Variants in SZT2 observed in about 807,000 individuals in gnomAD.
SZT2 encodes SZT2 subunit of KICSTOR complex.
A neutral mutation model predicts 404.2 loss-of-function variants in SZT2; 216 were observed. The observed-to-expected ratio is 0.53, with a 90% CI of 0.48 to 0.60. The LOEUF is 0.60. Ranked by LOEUF, SZT2 falls within the 20% of genes least tolerant of loss-of-function variation. The probability of loss-of-function intolerance (pLI) is 0.00; values close to 1 mark genes in which losing one functional copy is unlikely to be tolerated. For missense variants in SZT2, 3,857 were observed against 4,459.2 expected, an observed-to-expected ratio of 0.86 and a Z score of 3.85; for synonymous variants, 1,693 against 1,749.9, an observed-to-expected ratio of 0.97 and a Z score of 0.81.
At position 43,416,609 on chromosome 1, in the gene SZT2, C is replaced by T. The variant is rs1557534581; in HGVS notation, c.847C>T (p.Arg283Cys). Residue 283 changes from arginine (R) to cysteine (C), a missense_variant, in exon 7 of 72, where the codon CGC becomes TGC. Arg to Cys is a radical substitution (Grantham distance 180). Around this residue, in one of 7 missense-constraint regions of SZT2, gnomAD observed 536 missense variants for 637.4 expected, o/e 0.84. Coordinates refer to ENST00000634258, the MANE Select transcript of SZT2 (RefSeq NM_001365999.1). ...CTGTGAGACACTGCTGAACCAGCTT[C>T]GCAGTGGCACTGTGGCTTGTTCCTT... The part of the protein sequence containing the change: ...AVCETLLNQL[R>C]SGTVACSFVQ... 5.0e-6 allele frequency: 8 copies of T among 1,598,164 alleles called. No individual in the cohort carries two copies. Among genetic ancestry groups the T allele is most frequent in the East Asian group, 2.2e-5 (1 of 44,880 alleles).
intron 4 of SZT2, chr1:43,405,095 C>G (rs1650143689): frequency 6.5e-6 from 1 of 152,746 alleles, no homozygotes; most frequent in South Asian, 2.1e-4. Context: ...CCTCCGCCTC[C>G]TGGGTTCAAG....
intron 7 of SZT2, among the ~76,000 whole-genome samples, chr1:43,418,301 AG>A (rs1454742021): frequency 6.6e-6 from 1 of 152,226 alleles, no homozygotes; most frequent in Non-Finnish European, 1.5e-5. Flanking sequence ...TCTGTAGTGA[AG>A]AAGAGTTTGA....
rs759001953 is a variant in SZT2, at chr1:43,443,728, A to G, written c.8757A>G (p.Gln2919=). The change falls in exon 62 of 72, where the codon CAA becomes CAG. Residue 2919 remains glutamine, a synonymous_variant. Coordinates refer to ENST00000634258, the MANE Select transcript of SZT2 (RefSeq NM_001365999.1). ...LKELSLAFLQ[Q]YVQYLQSIGF... is the part of the protein sequence containing the mutation. ...AGCTGAGCTTGGCTTTCCTGCAGCA[A>G]TATGTGCAGTATCTGCAGAGCATAG... 27 of 1,614,080 alleles carry G rather than the reference A, an allele frequency of 1.7e-5. No homozygotes were observed. The highest frequency in any genetic ancestry group is 2.3e-5 in the Non-Finnish European group (27 of 1,180,038).
chr1:43,394,267 G>A (rs1346385027), intron 1 of SZT2, among the ~76,000 whole-genome samples: 1 of 145,712 alleles, frequency 6.9e-6, no homozygotes, highest in African/African-American at 2.6e-5. Context: ...GGAGTGCAGT[G>A]GCGTGATCTT....
At chr1:43,392,414 C>CTTT (rs1287158167) in intron 1 of SZT2, among the ~76,000 whole-genome samples, 11 of 133,232 alleles carry the variant, frequency 8.3e-5, no homozygotes, top group Admixed American at 1.5e-4. Context: ...AAAAGTTAAG[C>CTTT]TTTTTTTTTT....
At chr1:43,399,501 C>G (rs1400760634) in intron 1 of SZT2, among the ~76,000 whole-genome samples, 2 of 140,908 alleles carry the variant, frequency 1.4e-5, no homozygotes, top group Admixed American at 1.5e-4. Context: ...GACGGAGTCT[C>G]GCTAGGCTGG....
intron 7 of SZT2, 99 bp downstream of exon 7, chr1:43,416,740 G>C (rs1011125819): frequency 1.1e-6 from 1 of 924,544 alleles, no homozygotes; most frequent in Non-Finnish European, 1.7e-6. Context: ...CCCAGATAAA[G>C]TCAATTACTT....
At chr1:43,407,869 G>A (rs1234521569) in intron 4 of SZT2, among the ~76,000 whole-genome samples, 1 of 98,898 alleles carries the variant, frequency 1.0e-5, no homozygotes, top group Admixed American at 1.6e-4. Flanking sequence ...ATCTTGCTCT[G>A]TTACCCAGGC....
In SZT2 at chr1:43,445,990, T is replaced by C; in HGVS notation, c.8916+6T>C. ...AGACTGATGGGAGCCCCAAGGTAAC[T>C]TGTCATATAATGGTAAAGTTACTGA... On this transcript the variant is annotated splice_donor_region_variant and intron_variant, in intron 63 of 71. Transcript: ENST00000634258. 2.5e-6 allele frequency: 4 copies of C among 1,613,890 alleles called. No individual in the cohort carries two copies. Among genetic ancestry groups the C allele is most frequent in the East Asian group, 4.5e-5 (2 of 44,882 alleles).
Position 43,428,016 on chromosome 1 carries a change from G to A in SZT2, c.3817G>A (p.Asp1273Asn), listed in dbSNP as rs377096671. 11 of 1,613,878 alleles carry A rather than the reference G, an allele frequency of 6.8e-6. No individual in the cohort carries two copies. The highest frequency in any genetic ancestry group is 9.3e-6 in the Non-Finnish European group (11 of 1,179,884). Residue 1273 changes from aspartate (D) to asparagine (N), a missense_variant, in exon 27 of 72, where the codon GAC (aspartate) becomes AAC (asparagine). Asp to Asn is a conservative substitution (Grantham distance 23). This residue lies in a region of SZT2 where 1,725 missense variants were observed against 1,881.0 expected (regional missense o/e 0.92). Transcript: ENST00000634258. ...RDLIFRTQFLDHPSPSSAWME... is the reference protein window; with the variant it reads ...RDLIFRTQFLNHPSPSSAWME... ...TTCGTTTCCTAGGACTCAGTTCCTC[G>A]ACCACCCCTCCCCATCCTCAGCCTG...
chr1:43,444,245 C>G (rs543241107), intron 62 of SZT2, among the ~76,000 whole-genome samples: 2 of 152,098 alleles, frequency 1.3e-5, no homozygotes, highest in South Asian at 4.2e-4. Context: ...TACAGGTGCA[C>G]GCCACCCTGC....
rs1029986946 is a variant in SZT2, at chr1:43,448,783, A to C, written c.10086+55A>C. The C allele has an allele frequency of 1.9e-5, 29 of 1,524,230 alleles. No homozygotes were observed. The highest frequency in any genetic ancestry group is 2.5e-5 in the Non-Finnish European group (28 of 1,099,290). 94.4% of individuals were successfully genotyped at this position (1,524,230 alleles called of 1,614,324 possible). Reference sequence around the variant, plus strand: ...GGAAACACAGCAGAAATCCTCACCAAACAGATGTGCCCCTCAGCCTGACCA... The same window carrying C: ...GGAAACACAGCAGAAATCCTCACCACACAGATGTGCCCCTCAGCCTGACCA... On this transcript the variant is annotated intron_variant, in intron 70 of 71. Transcript: ENST00000634258. This position sits in a 1 kb window ranked among gnomAD's most constrained non-coding sequence, Gnocchi z 4.2.
At position 43,434,404 on chromosome 1, in the gene SZT2, T is replaced by G. The variant is rs1221254824; in HGVS notation, c.5823T>G (p.Asp1941Glu). 1.3e-6 allele frequency: 2 copies of G among 1,595,824 alleles called. No individual in the cohort carries two copies. Among genetic ancestry groups the G allele is most frequent in the African/African-American group, 2.7e-5 (2 of 74,822 alleles). Residue 1941 changes from aspartate to glutamate, a missense_variant, in exon 41 of 72, where the codon GAT becomes GAG. Around this residue, in one of 7 missense-constraint regions of SZT2, gnomAD observed 1,725 missense variants for 1,881.0 expected, o/e 0.92. Coordinates refer to ENST00000634258, the MANE Select transcript of SZT2 (RefSeq NM_001365999.1). The part of the protein sequence containing the change: ...YAHARSLIRE[D>E]GGPGTECRHL... The stretch of plus-strand genomic sequence containing the variant: ...TTCCCAGGAGCCTGATTCGGGAGGA[T>G]GGGGGGCCGGGCACTGAGTGTCGCC...
chr1:43,431,592 T>A, intron 35 of SZT2, 69 bp downstream of exon 35: 1 of 1,606,282 alleles, frequency 6.2e-7, no homozygotes, highest in Non-Finnish European at 8.5e-7. Context: ...AGGTACCCCC[T>A]TTGTTCTGGG....
At chr1:43,416,385 T>C in intron 6 of SZT2, 150 bp from the exon 7 acceptor site, 1 of 685,246 alleles carries the variant, frequency 1.5e-6, no homozygotes, top group South Asian at 1.9e-5. Flanking sequence ...GAAGGAAAGG[T>C]GTTTGAAGTT....
At position 43,442,473 on chromosome 1, in the gene SZT2, A is replaced by G. The variant is rs201418010; in HGVS notation, c.8006A>G (p.Asp2669Gly). 59 of 1,613,768 alleles carry G rather than the reference A, an allele frequency of 3.7e-5. No individual in the cohort carries two copies. The highest frequency in any genetic ancestry group is 1.7e-5 in the Admixed American group (1 of 59,972). Residue 2669 changes from aspartate (D) to glycine (G), a missense_variant, in exon 58 of 72, where the codon GAC becomes GGC. Transcript: ENST00000634258. This position sits in a 1 kb window ranked among gnomAD's most constrained non-coding sequence, Gnocchi z 4.5. The stretch of plus-strand genomic sequence containing the variant: ...CTGCTGACCTACAACTGGGCTCCAG[A>G]CCTGGGGGCAGCATTGGGCCGAGCG... ...LQLLTYNWAP[D>G]LGAALGRALV...
intron 1 of SZT2, among the ~76,000 whole-genome samples, chr1:43,400,562 G>A (rs1435455763): frequency 3.9e-5 from 6 of 152,086 alleles, no homozygotes; most frequent in African/African-American, 1.2e-4. Flanking sequence ...AATACTGAAT[G>A]AGCTTACTTA....
At chr1:43,398,129 CAA>C (rs572591008) in intron 1 of SZT2, among the ~76,000 whole-genome samples, 237 of 152,184 alleles carry the variant, frequency 1.6e-3, no homozygotes, top group African/African-American at 5.4e-3. Flanking sequence ...CATTTGAAAA[CAA>C]AAAGTATTTA....
At position 43,443,782 on chromosome 1, in the gene SZT2, C is replaced by A. The variant is rs748298194; in HGVS notation, c.8811C>A (p.Pro2937=). 12 of 1,613,494 alleles carry A rather than the reference C, an allele frequency of 7.4e-6. No homozygotes were observed. The African/African-American group carries it at 9.3e-5, about 13-fold the overall frequency. ...IGFVLVPLRP[P]SPARSTSRPR... ...TTGTGCTGGTACCACTGCGGCCCCCCTCACCCGCCCGCAGGTGAGCCCGTC... is the reference window on the plus strand; with the variant it reads ...TTGTGCTGGTACCACTGCGGCCCCCATCACCCGCCCGCAGGTGAGCCCGTC... Residue 2937 remains proline (P), a synonymous_variant, in exon 62 of 72, where the codon CCC becomes CCA. Transcript: ENST00000634258.
Sources: allele counts gnomAD v4.1 joint callset (sites outside exome capture counted in the v4.1 genomes callset), GRCh38; gene constraint gnomAD v4.1.1; regional missense constraint gnomAD v4.1.1; non-coding constraint Gnocchi (gnomAD v3.1); transcripts MANE v1.5; gene names NCBI Gene and HGNC (gene_info 2026-07-23, HGNC 2026-07-21).